The following TMEM132C variants were observed in gnomAD, a reference collection of about 807,000 sequenced individuals.
The protein encoded by TMEM132C is protein phosphatase 1, regulatory subunit 152.
TMEM132C carries 29 observed loss-of-function variants against 61.4 expected under a neutral mutation model. The ratio of observed to expected loss-of-function variants is 0.47; its 90% CI spans 0.35 to 0.64. TMEM132C has a LOEUF of 0.64. TMEM132C is among the 30% of genes least tolerant of loss of function. TMEM132C has a pLI of 0.00. For missense variants in TMEM132C, 1,408 were observed against 1,476.9 expected, an observed-to-expected ratio of 0.95 and a Z score of 0.76; for synonymous variants, 656 against 633.1, an observed-to-expected ratio of 1.04 and a Z score of -0.54.
chr12:128,646,006 G>A (rs1954194351), intron 4 of TMEM132C, among the ~76,000 whole-genome samples: 1 of 151,986 alleles, frequency 6.6e-6, no homozygotes, highest in South Asian at 2.1e-4. Flanking sequence ...CATCAGTGTT[G>A]GATGAGTGTG....
At chr12:128,578,944 GAT>G (rs1245401819) in intron 3 of TMEM132C, among the ~76,000 whole-genome samples, 6 of 152,280 alleles carry the variant, frequency 3.9e-5, no homozygotes, top group African/African-American at 1.4e-4. Context: ...TAATTTGGGA[GAT>G]CGTAAAAACA....
At chr12:128,569,188 A>G (rs1205584348) in intron 3 of TMEM132C, among the ~76,000 whole-genome samples, 3 of 152,212 alleles carry the variant, frequency 2.0e-5, no homozygotes, top group African/African-American at 7.2e-5. Flanking sequence ...CAGAGGGCAC[A>G]GTGAGCTGAG....
chr12:128,544,062 C>T lies in TMEM132C; in HGVS notation c.1080C>T (p.Ala360=). The change falls in exon 3 of 9, where the codon GCC becomes GCT. Residue 360 remains alanine (A), a synonymous_variant. Coordinates refer to ENST00000435159, the MANE Select transcript of TMEM132C (RefSeq NM_001136103.3). ...EVGSGGKHVT[A]TVACQRLGPS... ...GCAGCGGCGGAAAGCACGTGACGGC[C>T]ACCGTGGCCTGCCAGCGCCTGGGGC... 2 of 1,545,278 alleles carry T rather than the reference C, an allele frequency of 1.3e-6. No homozygotes were observed. The highest frequency in any genetic ancestry group is 1.7e-6 in the Non-Finnish European group (2 of 1,143,956).
intron 3 of TMEM132C, among the ~76,000 whole-genome samples, chr12:128,606,397 T>G (rs1876427264): frequency 6.6e-6 from 1 of 152,178 alleles, no homozygotes; most frequent in Admixed American, 6.5e-5. Flanking sequence ...CCATAGTCTC[T>G]CTCCTCTCTT....
chr12:128,573,173 C>T lies in TMEM132C; in HGVS notation c.1121+29070C>T, dbSNP rs545570553. On this transcript the variant is annotated intron_variant, in intron 3 of 8. Coordinates refer to ENST00000435159, the MANE Select transcript of TMEM132C (RefSeq NM_001136103.3). ...CACATATATGTTTATTGTGGCACTA[C>T]TCACAATAGCAAAGACTTGGAACCA... Among the ~76,000 whole-genome samples the T allele has an allele frequency of 1.4e-3, 206 of 152,248 alleles. 1 individual carries two copies. The highest frequency in any genetic ancestry group is 4.7e-3 in the African/African-American group (197 of 41,530).
chr12:128,281,308 T>G (rs1282063047), intron 1 of TMEM132C, among the ~76,000 whole-genome samples: 9 of 152,008 alleles, frequency 5.9e-5, no homozygotes, highest in African/African-American at 2.2e-4. Flanking sequence ...CTAAAACAGG[T>G]TTGTTTCAAC....
chr12:128,606,869 A>T (rs1247119267), intron 3 of TMEM132C, among the ~76,000 whole-genome samples: 1 of 152,154 alleles, frequency 6.6e-6, no homozygotes, highest in African/African-American at 2.4e-5. Flanking sequence ...TAGAATTTTT[A>T]AAATGCATTT....
intron 1 of TMEM132C, among the ~76,000 whole-genome samples, chr12:128,274,158 C>T (rs926498993): frequency 2.6e-5 from 4 of 152,164 alleles, no homozygotes; most frequent in African/African-American, 7.2e-5. Flanking sequence ...CAGTTATTCT[C>T]CCAGAGAGAC....
chr12:128,357,839 C>T (rs1350130207), intron 1 of TMEM132C, among the ~76,000 whole-genome samples: 3 of 151,994 alleles, frequency 2.0e-5, no homozygotes, highest in African/African-American at 7.3e-5. Context: ...CCACCACACC[C>T]ACCCGAGGCC....
chr12:128,585,110 C>T (rs754983548), intron 3 of TMEM132C, among the ~76,000 whole-genome samples: 9 of 152,222 alleles, frequency 5.9e-5, no homozygotes, highest in Non-Finnish European at 1.0e-4. Flanking sequence ...CACTTGCAGC[C>T]GTGAAACGTC....
intron 1 of TMEM132C, among the ~76,000 whole-genome samples, chr12:128,282,603 C>G (rs1870933299): frequency 6.6e-6 from 1 of 152,244 alleles, no homozygotes; most frequent in South Asian, 2.1e-4. Flanking sequence ...GGGATTACAG[C>G]AGTTCCAGAT....
intron 1 of TMEM132C, among the ~76,000 whole-genome samples, chr12:128,379,537 C>T (rs915583431): frequency 6.6e-6 from 1 of 152,180 alleles, no homozygotes; most frequent in Non-Finnish European, 1.5e-5. Flanking sequence ...GGGAAGGACC[C>T]TTCCTTGCCT....
intron 1 of TMEM132C, among the ~76,000 whole-genome samples, chr12:128,345,295 C>T (rs1207823336): frequency 6.6e-6 from 1 of 152,116 alleles, no homozygotes; most frequent in African/African-American, 2.4e-5. Context: ...TTTTCTTTAT[C>T]CAGTCTATCA....
At chr12:128,631,629 G>T (rs1954065963) in intron 4 of TMEM132C, among the ~76,000 whole-genome samples, 1 of 152,152 alleles carries the variant, frequency 6.6e-6, no homozygotes, top group African/African-American at 2.4e-5. Flanking sequence ...AACTCAACTG[G>T]CTTAATCCAA....
intron 4 of TMEM132C, among the ~76,000 whole-genome samples, chr12:128,622,008 T>C (rs1378711103): frequency 1.3e-5 from 2 of 152,104 alleles, no homozygotes; most frequent in Admixed American, 1.3e-4. Context: ...ACGCTCCCTC[T>C]AGACTCTCTT....
intron 1 of TMEM132C, among the ~76,000 whole-genome samples, chr12:128,323,597 T>C (rs1395834550): frequency 6.6e-6 from 1 of 152,220 alleles, no homozygotes; most frequent in Non-Finnish European, 1.5e-5. Context: ...AGATTACTGA[T>C]AGATGCACCT....
At chr12:128,625,180 T>A (rs963481511) in intron 4 of TMEM132C, among the ~76,000 whole-genome samples, 9 of 152,330 alleles carry the variant, frequency 5.9e-5, no homozygotes, top group Non-Finnish European at 1.2e-4. Flanking sequence ...AACTGAGCAT[T>A]TTCTTCCTAT....
chr12:128,702,663 A>G (rs1954812257), intron 8 of TMEM132C, among the ~76,000 whole-genome samples: 1 of 152,170 alleles, frequency 6.6e-6, no homozygotes, highest in Non-Finnish European at 1.5e-5. Context: ...TCCAACTTCA[A>G]GTGAGTTTCT....
At chr12:128,426,123 G>A (rs538956071) in intron 2 of TMEM132C, among the ~76,000 whole-genome samples, 1 of 152,338 alleles carries the variant, frequency 6.6e-6, no homozygotes, top group Non-Finnish European at 1.5e-5. Context: ...GAAAAGCAAA[G>A]TTACAAATGG....
Sources: gnomAD v4.1 joint callset for allele counts (sites outside exome capture counted in the v4.1 genomes callset) on GRCh38, gnomAD v4.1.1 for gene constraint, MANE v1.5 for transcripts, NCBI Gene and HGNC (gene_info 2026-07-23, HGNC 2026-07-21) for gene names.